Variants in CNTNAP3B observed in about 807,000 individuals in gnomAD.
CNTNAP3B encodes the protein contactin-associated protein-like 3B.
Under a neutral mutation model 108.9 loss-of-function variants are expected in CNTNAP3B, and 25 were observed. That is an observed-to-expected ratio of 0.23 (90% CI 0.17 to 0.32). The LOEUF (loss-of-function observed/expected upper bound fraction) is 0.32, where lower values mean the gene tolerates loss of function less well. Among genes scored for constraint, CNTNAP3B ranks in the 10% least tolerant of loss-of-function variants. The pLI is 1.00. For missense variants in CNTNAP3B, 252 were observed against 1,210.4 expected (o/e 0.21, Z 11.75); for synonymous variants, 103 against 473.4 (o/e 0.22, Z 10.16).
chr9:42,002,962 C>G (rs1162866540), intron 4 of CNTNAP3B, among the ~76,000 whole-genome samples: 4 of 124,358 alleles, frequency 3.2e-5, no homozygotes, highest in South Asian at 5.4e-4. Flanking sequence ...TCATAGCTCA[C>G]TGCAGCCTTG....
In CNTNAP3B at chr9:42,034,186, G is replaced by GTATCTATGTATCTATCTATCTATC. The variant is rs1554751812; in HGVS notation, c.391-20662_391-20661insGATAGATAGATAGATACATAGATA. Among the ~76,000 whole-genome samples the GTATCTATGTATCTATCTATCTATC allele has an allele frequency of 3.8e-4, 47 of 124,372 alleles. 5 individuals carry two copies. The highest frequency in any genetic ancestry group is 2.3e-3 in the Admixed American group (28 of 12,284). 81.6% of individuals were successfully genotyped at this position (124,372 alleles called of 152,430 possible). A position where few individuals can be genotyped will look rare whatever the true frequency, so the allele number is the denominator to read the frequency against. On this transcript the variant is annotated intron_variant, in intron 3 of 23. Coordinates refer to ENST00000377561, the MANE Select transcript of CNTNAP3B (RefSeq NM_001201380.3). ...TATCTATATGTATGTATGTATATAT[G>GTATCTATGTATCTATCTATCTATC]TATCTATCTATCTATCTATCTATCT...
intron 12 of CNTNAP3B, chr9:41,959,911 C>A (rs1266658196): frequency 1.3e-5 from 2 of 152,208 alleles, no homozygotes; most frequent in African/African-American, 4.8e-5. Flanking sequence ...AGCTAGGTGA[C>A]AACAAATTTC....
chr9:41,935,336 C>T (rs924335478), intron 14 of CNTNAP3B, among the ~76,000 whole-genome samples: 249 of 152,240 alleles, frequency 1.6e-3, no homozygotes, highest in South Asian at 1.2e-3. Context: ...GCCCCATTAA[C>T]GGACATATGC....
intron 11 of CNTNAP3B, among the ~76,000 whole-genome samples, chr9:41,963,054 T>G (rs1399889432): frequency 1.3e-5 from 2 of 152,274 alleles, no homozygotes; most frequent in African/African-American, 4.8e-5. Flanking sequence ...CTTCAATCTG[T>G]GAGAGTCACT....
chr9:42,020,615 C>T (rs1243412272), intron 3 of CNTNAP3B, among the ~76,000 whole-genome samples: 2 of 148,990 alleles, frequency 1.3e-5, no homozygotes, highest in Non-Finnish European at 3.0e-5. Context: ...ATCAGGAATT[C>T]TTCAAGGAGA....
chr9:42,116,013 AG>A lies in CNTNAP3B; in HGVS notation c.86-11275del, dbSNP rs1828307949. Among the ~76,000 whole-genome samples, 2 of 139,312 alleles carry A rather than the reference AG, an allele frequency of 1.4e-5. 1 individual carries two copies. Among genetic ancestry groups the A allele is most frequent in the African/African-American group, 5.7e-5 (2 of 35,014 alleles). The allele number at this position is 139,312 out of a possible 152,430, so 91.4% of individuals were successfully genotyped here. A position where few individuals can be genotyped will look rare whatever the true frequency, so the allele number is the denominator to read the frequency against. On this transcript the variant is annotated intron_variant, in intron 1 of 23. Transcript: ENST00000377561. ...TGGCTAACTAGAATAAACAGCGTAG[AG>A]AAGACCTTAAATGACCAGATGGAGC...
chr9:42,077,093 G>A (rs752640682), intron 2 of CNTNAP3B, 31 bp from the exon 3 acceptor site: 5 of 1,533,196 alleles, frequency 3.3e-6, no homozygotes, highest in South Asian at 2.4e-5. Context: ...TATAAAAATG[G>A]TAGAGGAGGA....
chr9:41,927,822 G>A (rs1222326672), intron 15 of CNTNAP3B, among the ~76,000 whole-genome samples: 1 of 151,724 alleles, frequency 6.6e-6, no homozygotes, highest in Non-Finnish European at 1.5e-5. Flanking sequence ...CTGACATTGG[G>A]AAAAGCTTAG....
chr9:41,950,345 A>T (rs1296016098), intron 13 of CNTNAP3B, among the ~76,000 whole-genome samples: 1 of 132,360 alleles, frequency 7.6e-6, no homozygotes, highest in East Asian at 2.2e-4. Context: ...AAAACTAAGT[A>T]TGCAATTACC....
chr9:41,938,794 G>A (rs1433196443), intron 13 of CNTNAP3B, among the ~76,000 whole-genome samples: 1 of 152,274 alleles, frequency 6.6e-6, no homozygotes, highest in South Asian at 2.1e-4. Flanking sequence ...ATTATACAAA[G>A]ACATTGATTT....
chr9:42,124,077 G>A (rs1828516649), intron 1 of CNTNAP3B, among the ~76,000 whole-genome samples: 2 of 137,418 alleles, frequency 1.5e-5, no homozygotes, highest in South Asian at 2.4e-4. Flanking sequence ...TTAATTCTTA[G>A]CAATAATTTT....
intron 3 of CNTNAP3B, among the ~76,000 whole-genome samples, chr9:42,046,524 T>C (rs1826879123): frequency 1.6e-5 from 2 of 125,480 alleles, no homozygotes; most frequent in Non-Finnish European, 3.3e-5. Flanking sequence ...GACAAGGTTT[T>C]GTTTTTGTTT....
intron 3 of CNTNAP3B, among the ~76,000 whole-genome samples, chr9:42,058,484 C>T (rs1827122037): frequency 7.0e-6 from 1 of 143,730 alleles, no homozygotes; most frequent in South Asian, 2.3e-4. Flanking sequence ...AGCATTTTTT[C>T]ATATACCTGT....
At chr9:41,973,287 G>GA (rs1316188385) in intron 9 of CNTNAP3B, among the ~76,000 whole-genome samples, 41,091 of 126,400 alleles carry the variant, frequency 0.33, 3,716 homozygotes, top group East Asian at 0.46. Context: ...AACTCTGTTA[G>GA]AAAAAAAAAA....
intron 3 of CNTNAP3B, among the ~76,000 whole-genome samples, chr9:42,063,396 G>A (rs1258580606): frequency 1.5e-5 from 2 of 135,694 alleles, no homozygotes; most frequent in African/African-American, 5.9e-5. Flanking sequence ...GGCCTGTAAG[G>A]TTTCTGCTGT....
intron 12 of CNTNAP3B, among the ~76,000 whole-genome samples, chr9:41,957,140 C>CAAAAAAAA: frequency 2.8e-5 from 1 of 36,320 alleles, no homozygotes; most frequent in Non-Finnish European, 5.2e-5. Flanking sequence ...AACTCCATCT[C>CAAAAAAAA]AAAAAAAGGA....
rs1346781730 is a variant in CNTNAP3B, at chr9:41,968,940, G to T, written c.1649+1134C>A. On this transcript the variant is annotated intron_variant, in intron 10 of 23. Coordinates refer to ENST00000377561, the MANE Select transcript of CNTNAP3B (RefSeq NM_001201380.3). ...GCCTGCCGAGTAGCTGGAACTACAG[G>T]CGCCCGCCACCATGCCTGGCTAATT... is the stretch of plus-strand genomic sequence containing the variant. 3.3e-5 allele frequency among the ~76,000 whole-genome samples: 5 copies of T among 152,312 alleles called. No individual in the cohort carries two copies. The East Asian group carries it at 9.6e-4, about 29-fold the overall frequency.
Position 42,002,896 on chromosome 9 carries a change from C to T in CNTNAP3B, c.539-4292G>A, listed in dbSNP as rs1353044133. ...CGCCATATTTTATCTTCACATTTTA[C>T]TTTTATTAGAAACAGAGACTCACTC... is the stretch of plus-strand genomic sequence containing the variant. On this transcript the variant is annotated intron_variant, in intron 4 of 23. Coordinates refer to ENST00000377561, the MANE Select transcript of CNTNAP3B (RefSeq NM_001201380.3). Among the ~76,000 whole-genome samples, 15 of 131,318 alleles carry T rather than the reference C, an allele frequency of 1.1e-4. 1 individual carries two copies. The highest frequency in any genetic ancestry group is 2.4e-4 in the Non-Finnish European group (15 of 62,344). 86.1% of individuals were successfully genotyped at this position (131,318 alleles called of 152,430 possible).
At position 42,038,465 on chromosome 9, in the gene CNTNAP3B, G is replaced by A. The variant is rs1459811800; in HGVS notation, c.391-24940C>T. On this transcript the variant is annotated intron_variant, in intron 3 of 23. Coordinates refer to ENST00000377561, the MANE Select transcript of CNTNAP3B (RefSeq NM_001201380.3). ...CCAAGCAATGGAAAATAAAAAAAAA[G>A]CAGGGGTTGCAATCCTAGTCTCAGA... Among the ~76,000 whole-genome samples the A allele has an allele frequency of 5.6e-5, 5 of 90,046 alleles. 1 individual carries two copies. The highest frequency in any genetic ancestry group is 2.0e-4 in the African/African-American group (5 of 24,588). The allele number at this position is 90,046 out of a possible 152,430, so 59.1% of individuals were successfully genotyped here. A position where few individuals can be genotyped will look rare whatever the true frequency, so the allele number is the denominator to read the frequency against.
Sources: allele counts gnomAD v4.1 joint callset (sites outside exome capture counted in the v4.1 genomes callset), GRCh38; gene constraint gnomAD v4.1.1; transcripts MANE v1.5; gene names NCBI Gene and HGNC (gene_info 2026-07-23, HGNC 2026-07-21).